RNF17: variants seen among roughly 807,000 people sequenced by gnomAD.
RNF17 encodes ring finger protein 17, also known as spermatogenesis associated 23.
Under a neutral mutation model 200.5 loss-of-function variants are expected in RNF17, and 31 were observed. The ratio of observed to expected loss-of-function variants is 0.15; its 90% CI spans 0.12 to 0.21. The LOEUF is 0.21. Ranked by LOEUF, RNF17 falls within the 10% of genes least tolerant of loss-of-function variation. RNF17 has a pLI of 1.00. For missense variants in RNF17, 1,628 were observed against 1,905.1 expected (o/e 0.85, Z 2.71); for synonymous variants, 606 against 637.8 (o/e 0.95, Z 0.75).
At chr13:24,868,235 C>T (rs1282204235) in intron 30 of RNF17, among the ~76,000 whole-genome samples, 1 of 151,874 alleles carries the variant, frequency 6.6e-6, no homozygotes, top group African/African-American at 2.4e-5. Context: ...CTTTGGGAGG[C>T]CGAGGCGGGC....
intron 18 of RNF17, among the ~76,000 whole-genome samples, chr13:24,838,756 G>A (rs1407381277): frequency 1.3e-5 from 2 of 152,106 alleles, no homozygotes; most frequent in African/African-American, 2.4e-5. Flanking sequence ...TCTGAGAAGT[G>A]GAACAAGACA....
chr13:24,825,434 TA>T (rs1338396976), intron 15 of RNF17, among the ~76,000 whole-genome samples, 184 bp from the exon 16 acceptor site: 1 of 152,220 alleles, frequency 6.6e-6, no homozygotes, highest in Non-Finnish European at 1.5e-5. Flanking sequence ...TTTATGTCTA[TA>T]CTAATTTTCT....
rs1894161283 is a variant in RNF17 at position 24,870,716 on chromosome 13, C to T, written c.4424C>T (p.Pro1475Leu). Residue 1475 changes from proline to leucine, a missense_variant, in exon 32 of 36, where the codon CCT (proline) becomes CTT (leucine). This residue lies in a region of RNF17 where 609 missense variants were observed against 681.9 expected (regional missense o/e 0.89). Transcript: ENST00000255324. Reference protein sequence around the residue: ...QRVNKKVEALPPLTDFRTEMP... With the variant: ...QRVNKKVEALLPLTDFRTEMP... ...GTTAATAAGAAGGTAGAGGCGCTTCCTCCTCTGACGGATTTTAGAACAGGT... is the reference window on the plus strand; with the variant it reads ...GTTAATAAGAAGGTAGAGGCGCTTCTTCCTCTGACGGATTTTAGAACAGGT... 6.2e-7 allele frequency: 1 copy of T among 1,614,022 alleles called. No homozygotes were observed. The highest frequency in any genetic ancestry group is 1.3e-5 in the African/African-American group (1 of 75,022).
At chr13:24,774,973 G>C (rs1881360115) in intron 3 of RNF17, 69 bp downstream of exon 3, 4 of 1,038,502 alleles carry the variant, frequency 3.9e-6, no homozygotes, top group Non-Finnish European at 5.9e-6. Flanking sequence ...TAGAATTATT[G>C]ATAAAATGTC....
chr13:24,774,708 G>A (rs1881300428), intron 2 of RNF17, 105 bp from the exon 3 acceptor site: 2 of 574,524 alleles, frequency 3.5e-6, no homozygotes, highest in Non-Finnish European at 3.0e-6. Context: ...GATCTTTAAG[G>A]TTATCATTAA....
intron 2 of RNF17, among the ~76,000 whole-genome samples, chr13:24,769,159 CTG>C (rs1290591890): frequency 1.3e-5 from 2 of 149,556 alleles, no homozygotes; most frequent in African/African-American, 4.9e-5. Context: ...CTGGAACTGT[CTG>C]TGTCCATATC....
At chr13:24,789,531 G>A (rs531380851) in intron 8 of RNF17, 107 bp downstream of exon 8, 2 of 956,124 alleles carry the variant, frequency 2.1e-6, no homozygotes, top group East Asian at 4.9e-5. Context: ...GGTCACAAAT[G>A]TTTACTAAGT....
upstream of RNF17, among the ~76,000 whole-genome samples, chr13:24,762,635 G>C (rs1878880310): frequency 6.6e-6 from 1 of 152,142 alleles, no homozygotes; most frequent in African/African-American, 2.4e-5. Context: ...GCCGAAGTGA[G>C]CCTTTCAAGA....
intron 9 of RNF17, among the ~76,000 whole-genome samples, 184 bp downstream of exon 9, chr13:24,789,956 A>G (rs1245233582): frequency 6.6e-6 from 1 of 152,160 alleles, no homozygotes. Flanking sequence ...GTATTCAGCA[A>G]TATACATGTC....
chr13:24,877,165 A>G lies in RNF17; in HGVS notation c.4752A>G (p.Lys1584=), dbSNP rs757920960. ...LWAMIDCLQG[K]QLYAVSMAPA... The stretch of plus-strand genomic sequence containing the variant: ...CTATGATAGACTGTCTTCAAGGAAA[A>G]CAACTCTATGCTGTGTCCATGGTAA... The change falls in exon 34 of 36, where the codon AAA becomes AAG. Residue 1584 remains lysine, a synonymous_variant. Transcript: ENST00000255324. The G allele has an allele frequency of 1.2e-6, 2 of 1,613,072 alleles. No individual in the cohort carries two copies. Among genetic ancestry groups the G allele is most frequent in the South Asian group, 1.1e-5 (1 of 90,816 alleles).
In RNF17 at chr13:24,766,180, A is replaced by G. The variant is rs1314089556; in HGVS notation, c.131-1092A>G. On this transcript the variant is annotated intron_variant, in intron 1 of 35. Coordinates refer to ENST00000255324, the MANE Select transcript of RNF17 (RefSeq NM_031277.3). ...AGGAGGCAGAGTTGGCAGTGAACCG[A>G]GATCGTGGTCCGTCTCAGAATGAGT... 2.6e-5 allele frequency among the ~76,000 whole-genome samples: 4 copies of G among 152,266 alleles called. No homozygotes were observed. The East Asian group carries it at 5.8e-4, about 22-fold the overall frequency.
At chr13:24,859,577 A>C (rs548895520) in intron 26 of RNF17, among the ~76,000 whole-genome samples, 1 of 152,160 alleles carries the variant, frequency 6.6e-6, no homozygotes, top group Non-Finnish European at 1.5e-5. Context: ...GTTTCAGTCA[A>C]AATCTTCAAA....
chr13:24,749,331 G>A, the RNF17 span, among the ~76,000 whole-genome samples: 4 of 63,024 alleles, frequency 6.3e-5, no homozygotes, highest in East Asian at 3.3e-3. Flanking sequence ...TTGAGACAGA[G>A]TCTCACTCTG....
chr13:24,792,953 A>G, intron 9 of RNF17, 89 bp from the exon 10 acceptor site: 1 of 849,400 alleles, frequency 1.2e-6, no homozygotes, highest in Non-Finnish European at 1.8e-6. Flanking sequence ...ATTCAGATTA[A>G]TGTCCATGGT....
In RNF17 at chr13:24,844,813, G is replaced by T. The variant is rs376405523; in HGVS notation, c.2982+11G>T. 1 of 1,606,278 alleles carries T rather than the reference G, an allele frequency of 6.2e-7. No homozygotes were observed. The highest frequency in any genetic ancestry group is 1.3e-5 in the African/African-American group (1 of 74,550). On this transcript the variant is annotated intron_variant, in intron 21 of 35. Transcript: ENST00000255324. Reference sequence around the variant, plus strand: ...GACACATTGGTAGAGGTAAATTACAGAGTTAAAAGTGTAATTGTGAAGGTG... The same window carrying T: ...GACACATTGGTAGAGGTAAATTACATAGTTAAAAGTGTAATTGTGAAGGTG...
chr13:24,784,448 T>A (rs1382129836), intron 6 of RNF17, among the ~76,000 whole-genome samples: 1 of 152,228 alleles, frequency 6.6e-6, no homozygotes, highest in Non-Finnish European at 1.5e-5. Context: ...TGGTTCAATT[T>A]ACCAGTAAAG....
chr13:24,771,631 G>C (rs759916336), intron 2 of RNF17, among the ~76,000 whole-genome samples: 261 of 129,730 alleles, frequency 2.0e-3, no homozygotes, highest in Non-Finnish European at 3.3e-3. Context: ...ATGAATTCTA[G>C]GTAGGGCTTT....
At chr13:24,806,989 T>C (rs1885967959) in intron 15 of RNF17, among the ~76,000 whole-genome samples, 1 of 151,976 alleles carries the variant, frequency 6.6e-6, no homozygotes, top group Non-Finnish European at 1.5e-5. Flanking sequence ...CATCATTTTT[T>C]ATGGCTGCAT....
chr13:24,791,546 C>G (rs192680064), intron 9 of RNF17, among the ~76,000 whole-genome samples: 1 of 152,072 alleles, frequency 6.6e-6, no homozygotes, highest in Non-Finnish European at 1.5e-5. Context: ...CTTAAGAGAT[C>G]TTGGTCTTGA....
Sources: gnomAD v4.1 joint callset for allele counts (sites outside exome capture counted in the v4.1 genomes callset) on GRCh38, gnomAD v4.1.1 for gene constraint, gnomAD v4.1.1 regional missense constraint, MANE v1.5 for transcripts, NCBI Gene and HGNC (gene_info 2026-07-23, HGNC 2026-07-21) for gene names.